Variants in TLK2 observed in about 807,000 individuals in gnomAD.
TLK2 encodes the protein serine/threonine-protein kinase tousled-like 2.
A neutral mutation model predicts 117.3 loss-of-function variants in TLK2; 6 were observed. The observed-to-expected ratio is 0.05, with a 90% CI of 0.03 to 0.10. TLK2 has a LOEUF of 0.10. Among genes scored for constraint, TLK2 ranks in the 10% least tolerant of loss-of-function variants. The pLI, the probability that TLK2 is intolerant of heterozygous loss-of-function variation, is 1.00. For missense variants in TLK2, 299 were observed against 901.2 expected, an observed-to-expected ratio of 0.33 and a Z score of 8.56; for synonymous variants, 257 against 316.7, an observed-to-expected ratio of 0.81 and a Z score of 2.00.
intron 9 of TLK2, among the ~76,000 whole-genome samples, chr17:62,555,368 C>G (rs1470858221): frequency 6.6e-6 from 1 of 152,064 alleles, no homozygotes; most frequent in East Asian, 1.9e-4. Context: ...TTAATGAAAA[C>G]ATAGGGTAAA....
intron 9 of TLK2, among the ~76,000 whole-genome samples, chr17:62,554,597 A>G (rs774650460): frequency 8.6e-5 from 13 of 151,970 alleles, no homozygotes; most frequent in Non-Finnish European, 1.8e-4. Context: ...AAAAATAAGA[A>G]AGTAAAAAGG....
intron 7 of TLK2, among the ~76,000 whole-genome samples, chr17:62,538,518 C>T (rs1034482270): frequency 5.3e-5 from 8 of 152,190 alleles, no homozygotes; most frequent in Non-Finnish European, 1.2e-4. Context: ...TAGTTAAATA[C>T]ACAAGATTTG....
chr17:62,486,014 G>T (rs560615196), intron 2 of TLK2, among the ~76,000 whole-genome samples: 83 of 151,960 alleles, frequency 5.5e-4, no homozygotes, highest in African/African-American at 1.7e-3. Flanking sequence ...TAGAGACGGG[G>T]TTTCACCGTG....
intron 17 of TLK2, among the ~76,000 whole-genome samples, chr17:62,598,098 G>A (rs2082611198): frequency 6.6e-6 from 1 of 152,178 alleles, no homozygotes; most frequent in Admixed American, 6.5e-5. Flanking sequence ...TCTCATTTGG[G>A]TAGCCCTGGC....
At chr17:62,587,129 A>T (rs529543971) in intron 16 of TLK2, among the ~76,000 whole-genome samples, 1 of 152,134 alleles carries the variant, frequency 6.6e-6, no homozygotes, top group South Asian at 2.1e-4. Context: ...GGCTTCTTTA[A>T]AATGAATTGT....
chr17:62,592,691 G>A (rs367837123), intron 16 of TLK2, among the ~76,000 whole-genome samples: 26 of 152,312 alleles, frequency 1.7e-4, no homozygotes, highest in East Asian at 1.3e-3. Flanking sequence ...GGGGACAGGG[G>A]GAGATGGTTT....
chr17:62,608,937 A>T (rs2083517032), intron 21 of TLK2, among the ~76,000 whole-genome samples: 1 of 152,222 alleles, frequency 6.6e-6, no homozygotes, highest in South Asian at 2.1e-4. Flanking sequence ...CTGTAAACCA[A>T]GATTCTAGTA....
intron 2 of TLK2, among the ~76,000 whole-genome samples, chr17:62,504,674 G>A (rs2319035): frequency 2.6e-5 from 4 of 152,088 alleles, no homozygotes; most frequent in East Asian, 1.9e-4. Context: ...CGGACATGGC[G>A]GCATGAACTT....
chr17:62,475,500 G>A (rs1465430435), upstream of TLK2, among the ~76,000 whole-genome samples: 3 of 151,802 alleles, frequency 2.0e-5, no homozygotes, highest in Non-Finnish European at 2.9e-5. Context: ...CCACCACCAC[G>A]CTCAGCTAAT....
intron 9 of TLK2, among the ~76,000 whole-genome samples, chr17:62,556,610 A>G (rs1315989915): frequency 1.3e-5 from 2 of 152,178 alleles, no homozygotes; most frequent in African/African-American, 4.8e-5. Context: ...CAGTTTTTCA[A>G]GCATTTCGTA....
At chr17:62,514,517 G>C (rs895747683) in intron 2 of TLK2, among the ~76,000 whole-genome samples, 3 of 149,008 alleles carry the variant, frequency 2.0e-5, no homozygotes, top group Non-Finnish European at 3.0e-5. Context: ...AAACAATACA[G>C]TTTCAAAAAC....
At chr17:62,515,832 T>C (rs1000386738) in intron 2 of TLK2, among the ~76,000 whole-genome samples, 7 of 152,330 alleles carry the variant, frequency 4.6e-5, no homozygotes, top group Admixed American at 4.6e-4. Flanking sequence ...TAAATTTTGA[T>C]GTCTATTTTA....
chr17:62,553,160 C>T (rs1335080215), intron 8 of TLK2, among the ~76,000 whole-genome samples: 1 of 152,072 alleles, frequency 6.6e-6, no homozygotes, highest in Non-Finnish European at 1.5e-5. Flanking sequence ...TTTCTTAAAT[C>T]TCAAGAGGTA....
Position 62,516,537 on chromosome 17 carries a change from C to T in TLK2, c.82-4236C>T, listed in dbSNP as rs575361282. 5.0e-6 allele frequency: 8 copies of T among 1,609,250 alleles called. No individual in the cohort carries two copies. In the Admixed American group the frequency reaches 1.0e-4, roughly 20 times the overall value. On this transcript the variant is annotated intron_variant, in intron 2 of 21. Coordinates refer to ENST00000346027, the MANE Select transcript of TLK2 (RefSeq NM_006852.6). The stretch of plus-strand genomic sequence containing the variant: ...GCAGATGAAGGTAATCACGGAGATA[C>T]TGGATACACTCATTGGTAAGGTACC...
At chr17:62,475,585 T>G (rs1207393471), upstream of TLK2, among the ~76,000 whole-genome samples, 1 of 152,126 alleles carries the variant, frequency 6.6e-6, no homozygotes, top group Non-Finnish European at 1.5e-5. Flanking sequence ...GACCTCGTGA[T>G]CCACCCGCCT....
chr17:62,577,158 C>G (rs1318079003), intron 13 of TLK2, among the ~76,000 whole-genome samples: 1 of 151,680 alleles, frequency 6.6e-6, no homozygotes, highest in African/African-American at 2.4e-5. Context: ...AGACGGGGGT[C>G]TCACCATTAG....
chr17:62,524,191 A>C, intron 5 of TLK2, 45 bp from the exon 6 acceptor site: 1 of 1,605,568 alleles, frequency 6.2e-7, no homozygotes, highest in Non-Finnish European at 8.5e-7. Context: ...TCTGAAGCAT[A>C]GTACTGTTTT....
chr17:62,589,743 A>G (rs1489465911), intron 16 of TLK2, among the ~76,000 whole-genome samples: 2 of 152,230 alleles, frequency 1.3e-5, no homozygotes, highest in East Asian at 3.8e-4. Context: ...CATTTATAGC[A>G]TGCTAGAGTG....
rs2083922035 is a variant in TLK2, at chr17:62,613,296, A to G, written c.*731A>G. The G allele has an allele frequency of 6.6e-6, 1 of 152,512 alleles. No individual in the cohort carries two copies. Among genetic ancestry groups the G allele is most frequent in the African/African-American group, 2.4e-5 (1 of 41,396 alleles). The allele number at this position is 152,512 out of a possible 1,614,324, so 9.4% of individuals were successfully genotyped here. A position where few individuals can be genotyped will look rare whatever the true frequency, so the allele number is the denominator to read the frequency against. On this transcript the variant is annotated 3_prime_UTR_variant, in exon 22 of 22. Coordinates refer to ENST00000346027, the MANE Select transcript of TLK2 (RefSeq NM_006852.6). ...TGTTTGCAATTGCTTCCCTCATCTC[A>G]GTAGGGAAAAAATTGAGTGGGAGTA...
Sources: allele counts gnomAD v4.1 joint callset (sites outside exome capture counted in the v4.1 genomes callset), GRCh38; gene constraint gnomAD v4.1.1; transcripts MANE v1.5; gene names NCBI Gene and HGNC (gene_info 2026-07-23, HGNC 2026-07-21).